ANKRD44: variants seen among roughly 807,000 people sequenced by gnomAD.
The protein encoded by ANKRD44 is serine/threonine-protein phosphatase 6 regulatory ankyrin repeat subunit B.
ANKRD44 carries 35 observed loss-of-function variants against 116.0 expected under a neutral mutation model. The observed-to-expected ratio is 0.30, with a 90% CI of 0.23 to 0.40. The LOEUF is 0.40. Ranked by LOEUF, ANKRD44 falls within the 10% of genes least tolerant of loss-of-function variation. The pLI is 1.00. For synonymous variants in ANKRD44, 435 were observed against 461.8 expected (o/e 0.94, Z 0.74); for missense variants, 1,014 against 1,242.6 (o/e 0.82, Z 2.77).
At chr2:196,998,586 T>C (rs1302362889) in intron 24 of ANKRD44, among the ~76,000 whole-genome samples, 167 bp from the exon 25 acceptor site, 1 of 152,222 alleles carries the variant, frequency 6.6e-6, no homozygotes, top group African/African-American at 2.4e-5. Flanking sequence ...ATCTGTGCTA[T>C]CCAAATCCAA....
chr2:197,283,601 C>T (rs1047368611), intron 1 of ANKRD44, among the ~76,000 whole-genome samples: 1 of 152,128 alleles, frequency 6.6e-6, no homozygotes, highest in Non-Finnish European at 1.5e-5. Flanking sequence ...AGAAACAAAA[C>T]TGTTGAAAGT....
chr2:197,257,372 G>GT (rs35378746), intron 1 of ANKRD44, among the ~76,000 whole-genome samples: 291 of 146,768 alleles, frequency 2.0e-3, no homozygotes, highest in Middle Eastern at 3.5e-3. Flanking sequence ...AAACACAGAA[G>GT]TTTTTTTTTT....
intron 1 of ANKRD44, among the ~76,000 whole-genome samples, chr2:197,225,437 A>G (rs757875400): frequency 2.6e-4 from 40 of 152,184 alleles, no homozygotes; most frequent in South Asian, 6.2e-4. Flanking sequence ...TCCACCTCCC[A>G]GGTTCAAGGG....
At chr2:197,296,582 T>A (rs1048677762) in intron 1 of ANKRD44, 2 of 152,162 alleles carry the variant, frequency 1.3e-5, no homozygotes, top group African/African-American at 4.8e-5. Context: ...TCTAAAAGAA[T>A]AAATAAATAA....
chr2:197,015,657 T>C (rs2076377499), intron 17 of ANKRD44: 1 of 547,618 alleles, frequency 1.8e-6, no homozygotes, highest in Non-Finnish European at 3.3e-6. Context: ...GCAGCAGAGG[T>C]AGTTATGGAG....
intron 9 of ANKRD44, among the ~76,000 whole-genome samples, chr2:197,103,227 C>CA (rs59073157): frequency 0.012 from 1,187 of 102,958 alleles, 31 homozygotes; most frequent in African/African-American, 0.038. Flanking sequence ...GACTCCATCT[C>CA]AAAAAAAAAA....
chr2:197,105,244 G>C (rs1362446812), intron 9 of ANKRD44, among the ~76,000 whole-genome samples: 1 of 152,046 alleles, frequency 6.6e-6, no homozygotes, highest in Non-Finnish European at 1.5e-5. Flanking sequence ...CTCCCGAGTA[G>C]CTGGGATTAT....
At chr2:197,034,411 G>T (rs2076769632) in intron 16 of ANKRD44, among the ~76,000 whole-genome samples, 2 of 150,514 alleles carry the variant, frequency 1.3e-5, no homozygotes, top group South Asian at 4.3e-4. Context: ...CACAATCCAT[G>T]CATTCACATG....
At chr2:197,263,342 G>GA (rs1433422526) in intron 1 of ANKRD44, 5 of 535,590 alleles carry the variant, frequency 9.3e-6, no homozygotes, top group African/African-American at 7.3e-5. Context: ...CATTGGGGCT[G>GA]GGGCGCCACA....
In ANKRD44 at chr2:197,157,297, G is replaced by A. The variant is rs115053943; in HGVS notation, c.112-10192C>T. On this transcript the variant is annotated intron_variant, in intron 2 of 27. Transcript: ENST00000282272. The stretch of plus-strand genomic sequence containing the variant: ...GTGGGTTAATTTAGAGGCAGCTCAT[G>A]TTATGCCCTGGTTATGTGTGGATGT... Among the ~76,000 whole-genome samples the A allele has an allele frequency of 4.0e-3, 602 of 152,296 alleles. 2 individuals are homozygous for A. Among genetic ancestry groups the A allele is most frequent in the Middle Eastern group, 0.027 (8 of 294 alleles).
intron 1 of ANKRD44, among the ~76,000 whole-genome samples, chr2:197,278,169 G>A (rs1316726657): frequency 6.6e-6 from 1 of 152,096 alleles, no homozygotes; most frequent in African/African-American, 2.4e-5. Flanking sequence ...ATGCTAGGAA[G>A]AAAGGCAATT....
At chr2:196,997,381 C>T (rs1047800983) in intron 25 of ANKRD44, among the ~76,000 whole-genome samples, 13 of 149,470 alleles carry the variant, frequency 8.7e-5, no homozygotes, top group African/African-American at 2.2e-4. Flanking sequence ...AGCAACATAA[C>T]GAAGTTTTGT....
In ANKRD44 at chr2:197,149,251, A is replaced by G. The variant is rs1006763654; in HGVS notation, c.112-2146T>C. Among the ~76,000 whole-genome samples, 3 of 152,282 alleles carry G rather than the reference A, an allele frequency of 2.0e-5. No individual in the cohort carries two copies. The East Asian group carries it at 5.8e-4, about 29-fold the overall frequency. ...AGGGACTATTCCAACCCAAATTATG[A>G]CTTCATTTGACCTGAAGCAAAGGCA... On this transcript the variant is annotated intron_variant, in intron 2 of 27. Coordinates refer to ENST00000282272, the MANE Select transcript of ANKRD44 (RefSeq NM_001195144.2).
intron 1 of ANKRD44, among the ~76,000 whole-genome samples, chr2:197,295,799 C>T (rs1403255369): frequency 2.6e-5 from 4 of 152,098 alleles, no homozygotes; most frequent in African/African-American, 9.7e-5. Flanking sequence ...TTTGCTCTTT[C>T]CTATAATCCC....
chr2:197,180,067 C>G (rs573415689), intron 2 of ANKRD44, among the ~76,000 whole-genome samples: 4 of 152,006 alleles, frequency 2.6e-5, no homozygotes, highest in South Asian at 2.1e-4. Context: ...CCACCTCCCC[C>G]ACCCCGGCCC....
At chr2:197,028,471 G>GA (rs1157398999) in intron 16 of ANKRD44, among the ~76,000 whole-genome samples, 1 of 152,158 alleles carries the variant, frequency 6.6e-6, no homozygotes, top group African/African-American at 2.4e-5. Context: ...TATGATGGTC[G>GA]TCAACATCCA....
At chr2:197,273,878 C>A (rs12621494) in intron 1 of ANKRD44, among the ~76,000 whole-genome samples, 9,804 of 147,308 alleles carry the variant, frequency 0.067, 427 homozygotes, top group Admixed American at 0.13. Context: ...TAAGCTGATC[C>A]AGTGATAAAA....
Position 197,099,806 on chromosome 2 carries a change from G to T in ANKRD44, c.1100+10C>A, listed in dbSNP as rs375696827. 5.0e-6 allele frequency: 8 copies of T among 1,613,050 alleles called. No individual in the cohort carries two copies. The highest frequency in any genetic ancestry group is 5.9e-6 in the Non-Finnish European group (7 of 1,179,714). On this transcript the variant is annotated intron_variant, in intron 10 of 27. Transcript: ENST00000282272. ...GGCAATTATTCCACCGTATTTTTGC[G>T]GTAACCTACTTGGCTGTGTCAGCTC...
chr2:197,094,706 AT>A (rs1333632633), intron 10 of ANKRD44, among the ~76,000 whole-genome samples: 3 of 152,206 alleles, frequency 2.0e-5, no homozygotes, highest in Non-Finnish European at 4.4e-5. Context: ...GAATAGGATG[AT>A]TTTATGATGT....
Sources: allele counts gnomAD v4.1 joint callset (sites outside exome capture counted in the v4.1 genomes callset), GRCh38; gene constraint gnomAD v4.1.1; transcripts MANE v1.5; gene names NCBI Gene and HGNC (gene_info 2026-07-23, HGNC 2026-07-21).